Variants in GEMIN5 observed in about 807,000 individuals in gnomAD.
GEMIN5 encodes the protein gem nuclear organelle associated protein 5, also known as gem-associated protein 5.
A neutral mutation model predicts 176.9 loss-of-function variants in GEMIN5; 124 were observed. The observed-to-expected ratio is 0.70, with a 90% CI of 0.61 to 0.81. GEMIN5 has a LOEUF of 0.81. GEMIN5 is among the 40% of genes least tolerant of loss of function. GEMIN5 has a pLI of 0.00. For synonymous variants in GEMIN5, 673 were observed against 665.2 expected (o/e 1.01, Z -0.18); for missense variants, 1,843 against 1,814.6 (o/e 1.02, Z -0.28).
rs182269175 is a variant in GEMIN5, at chr5:154,889,401, C to G, written c.4279G>C (p.Glu1427Gln). 2 of 1,606,454 alleles carry G rather than the reference C, an allele frequency of 1.2e-6. No homozygotes were observed. The highest frequency in any genetic ancestry group is 1.7e-5 in the Admixed American group (1 of 59,926). Residue 1427 changes from glutamate (E) to glutamine (Q), a missense_variant, in exon 27 of 28, where the codon GAG (glutamate) becomes CAG (glutamine). Physicochemically the swap from Glu to Gln is conservative, Grantham distance 29. Coordinates refer to ENST00000285873, the MANE Select transcript of GEMIN5 (RefSeq NM_015465.5). ...SQSQCKEEKN[E>Q]PLSLPELTKR... Reference sequence around the variant, plus strand: ...GTTAACTCAGGCAGAGAAAGTGGCTCATTTTTTTCTTCTTTACTAGTGAAA... The same window carrying G: ...GTTAACTCAGGCAGAGAAAGTGGCTGATTTTTTTCTTCTTTACTAGTGAAA...
chr5:154,904,134 T>C (rs1012421512), intron 18 of GEMIN5, among the ~76,000 whole-genome samples: 1 of 151,980 alleles, frequency 6.6e-6, no homozygotes, highest in Non-Finnish European at 1.5e-5. Context: ...ATATTTCCAA[T>C]AAGAAAAAAA....
Position 154,931,770 on chromosome 5 carries a change from T to C in GEMIN5, c.662-193A>G. ...TGGCTCACGCCTGTAATCCCAGCAT[T>C]TTGGGAGGCTGAGGCAGGTGGATCA... On this transcript the variant is annotated intron_variant, in intron 4 of 27. Coordinates refer to ENST00000285873, the MANE Select transcript of GEMIN5 (RefSeq NM_015465.5). 5.7e-6 allele frequency: 3 copies of C among 525,730 alleles called. No homozygotes were observed. The South Asian group carries it at 7.7e-5, about 14-fold the overall frequency. The allele number at this position is 525,730 out of a possible 1,614,324, so 32.6% of individuals were successfully genotyped here. A position where few individuals can be genotyped will look rare whatever the true frequency, so the allele number is the denominator to read the frequency against.
chr5:154,938,037 G>A lies in GEMIN5; in HGVS notation c.97C>T (p.Arg33Trp). 2 of 1,549,664 alleles carry A rather than the reference G, an allele frequency of 1.3e-6. No homozygotes were observed. The highest frequency in any genetic ancestry group is 2.0e-5 in the Admixed American group (1 of 50,104). ...VPGGLFGFAA[R>W]TSVFLVRVGP... ...ACGCGGACAAGGAAGACGGAGGTCCGCGCGGCGAAGCCAAAGAGGCCCCCG... is the reference window on the plus strand; with the variant it reads ...ACGCGGACAAGGAAGACGGAGGTCCACGCGGCGAAGCCAAAGAGGCCCCCG... Residue 33 changes from arginine (R) to tryptophan (W), a missense_variant, in exon 1 of 28, where the codon CGG becomes TGG. Transcript: ENST00000285873.
chr5:154,926,006 GTA>G lies in GEMIN5; in HGVS notation c.1147_1148del (p.Tyr383GlnfsTer34). 1.2e-6 allele frequency: 2 copies of G among 1,613,624 alleles called. No individual in the cohort carries two copies. Among genetic ancestry groups the G allele is most frequent in the South Asian group, 1.1e-5 (1 of 91,076 alleles). On this transcript the variant is annotated frameshift_variant, in exon 8 of 28. Coordinates refer to ENST00000285873, the MANE Select transcript of GEMIN5 (RefSeq NM_015465.5). LOFTEE classifies it high-confidence loss of function. ...WTLPSLGGFA[Y>X]SLAFSSVDIG... is the part of the protein sequence containing the mutation. ...TGTCCACAGAAGAGAAAGCCAGGCTGTATGCAAACCCACCAAGGGAAGGAAGG... is the reference window on the plus strand; with the variant it reads ...TGTCCACAGAAGAGAAAGCCAGGCTGTGCAAACCCACCAAGGGAAGGAAGG...
chr5:154,926,219 G>GA (rs142138063), intron 7 of GEMIN5, 145 bp from the exon 8 acceptor site: 3,696 of 499,546 alleles, frequency 7.4e-3, no homozygotes, highest in South Asian at 0.013. Flanking sequence ...GCACTGCTAA[G>GA]AAAAAAAAAA....
chr5:154,917,230 G>A, intron 12 of GEMIN5, 51 bp from the exon 13 acceptor site: 4 of 1,110,440 alleles, frequency 3.6e-6, no homozygotes, highest in Non-Finnish European at 5.0e-6. Flanking sequence ...CAAATTACAA[G>A]TTACAATGCA....
At chr5:154,920,166 T>C in intron 10 of GEMIN5, 63 bp from the exon 11 acceptor site, 1 of 1,372,774 alleles carries the variant, frequency 7.3e-7, no homozygotes, top group East Asian at 2.3e-5. Flanking sequence ...TATTTGTTGC[T>C]ATAGTATGAC....
intron 9 of GEMIN5, among the ~76,000 whole-genome samples, chr5:154,924,022 T>G (rs753832620): frequency 6.6e-6 from 1 of 152,250 alleles, no homozygotes; most frequent in Non-Finnish European, 1.5e-5. Context: ...TTTAGTAATG[T>G]ATTTTATTTA....
chr5:154,889,228 A>G (rs999195318), intron 27 of GEMIN5, 93 bp downstream of exon 27: 2 of 717,412 alleles, frequency 2.8e-6, no homozygotes, highest in Non-Finnish European at 5.1e-6. Flanking sequence ...TAGAAACTGA[A>G]CAGAGAGGTA....
chr5:154,917,115 G>A lies in GEMIN5; in HGVS notation c.1738C>T (p.Leu580Phe), dbSNP rs1429147857. The A allele has an allele frequency of 6.2e-7, 1 of 1,606,446 alleles. No homozygotes were observed. Among genetic ancestry groups the A allele is most frequent in the Admixed American group, 1.7e-5 (1 of 59,800 alleles). ...TGATGCCAGCTAATGGTATTCACAA[G>A]CTTGTGATGCTGTTGGATAGTACAG... is the stretch of plus-strand genomic sequence containing the variant. ...LICTIQQHHKLVNTISWHHEH... is the reference protein window; with the variant it reads ...LICTIQQHHKFVNTISWHHEH... The change falls in exon 13 of 28, where the codon CTT (leucine) becomes TTT (phenylalanine). Residue 580 changes from leucine to phenylalanine, a missense_variant. Leu to Phe is a conservative substitution (Grantham distance 22, BLOSUM62 0). Coordinates refer to ENST00000285873, the MANE Select transcript of GEMIN5 (RefSeq NM_015465.5).
At position 154,907,950 on chromosome 5, in the gene GEMIN5, TA is replaced by T. The variant is rs983489292; in HGVS notation, c.2168-133del. 3.5e-5 allele frequency: 23 copies of T among 656,242 alleles called. No individual in the cohort carries two copies. In the Admixed American group the frequency reaches 5.9e-4, roughly 17 times the overall value. The allele number at this position is 656,242 out of a possible 1,614,324, so 40.7% of individuals were successfully genotyped here. A position where few individuals can be genotyped will look rare whatever the true frequency, so the allele number is the denominator to read the frequency against. On this transcript the variant is annotated intron_variant, in intron 15 of 27. Transcript: ENST00000285873. Reference sequence around the variant, plus strand: ...ATTCCCTTTCTTCTCAATGAACTTTTAGAATTATATTATCACAATATTAACC... The same window carrying T: ...ATTCCCTTTCTTCTCAATGAACTTTTGAATTATATTATCACAATATTAACC...
intron 15 of GEMIN5, among the ~76,000 whole-genome samples, chr5:154,909,916 TTGTAGTGAGCCGAGAGTGCACCAC>T (rs1763660377): frequency 6.6e-6 from 1 of 151,620 alleles, no homozygotes. Context: ...GGGGCAGAGG[TTGTAGTGAGCCGAGAGTGCACCAC>T]TGCACTCTGG....
At chr5:154,906,824 C>A (rs1763578140) in intron 16 of GEMIN5, among the ~76,000 whole-genome samples, 1 of 152,228 alleles carries the variant, frequency 6.6e-6, no homozygotes, top group Non-Finnish European at 1.5e-5. Flanking sequence ...ATCCTATATT[C>A]TAGCCATTTC....
intron 27 of GEMIN5, among the ~76,000 whole-genome samples, chr5:154,888,865 G>GTTTTT (rs1554100466): frequency 9.5e-5 from 14 of 147,484 alleles, no homozygotes; most frequent in South Asian, 2.2e-4. Flanking sequence ...TTTTTGTTTT[G>GTTTTT]TTTTTTTTTT....
In GEMIN5 at chr5:154,899,308, T is replaced by C. The variant is rs1178568373; in HGVS notation, c.3017A>G (p.Glu1006Gly). Residue 1006 changes from glutamate (E) to glycine (G), a missense_variant and splice_region_variant, in exon 22 of 28, where the codon GAA becomes GGA. Glu to Gly is a moderately conservative substitution (Grantham distance 98). Transcript: ENST00000285873. ...ELLKSNHFYR[E>G]AIAIAKARLR... ...CCGGGCCTTGGCAATCGCAATAGCT[T>C]CCCTAAAGGCAAGAACAGACCCTTT... is the stretch of plus-strand genomic sequence containing the variant. 5 of 1,610,420 alleles carry C rather than the reference T, an allele frequency of 3.1e-6. No individual in the cohort carries two copies. The highest frequency in any genetic ancestry group is 4.2e-6 in the Non-Finnish European group (5 of 1,178,306).
rs765275819 is a variant in GEMIN5, at chr5:154,891,385, G to A, written c.4118C>T (p.Thr1373Ile). Residue 1373 changes from threonine (T) to isoleucine (I), a missense_variant, in exon 26 of 28, where the codon ACT becomes ATT. Physicochemically the swap from Thr to Ile is moderately conservative, Grantham distance 89. Transcript: ENST00000285873. The stretch of plus-strand genomic sequence containing the variant: ...CAAGGTCTCTTGGACTTCAGCAACA[G>A]TTCTCTGTGAGTTTTGGAGACTGGC... Reference protein sequence around the residue: ...KHASLQNSQRTVAEVQETLAE... With the variant: ...KHASLQNSQRIVAEVQETLAE... 158 of 1,614,018 alleles carry A rather than the reference G, an allele frequency of 9.8e-5. No homozygotes were observed. Among genetic ancestry groups the A allele is most frequent in the Middle Eastern group, 8.2e-4 (5 of 6,084 alleles).
chr5:154,889,757 G>C (rs1763186638), intron 26 of GEMIN5, among the ~76,000 whole-genome samples: 1 of 152,172 alleles, frequency 6.6e-6, no homozygotes, highest in South Asian at 2.1e-4. Context: ...GAGTCATATA[G>C]TATATGTCTT....
chr5:154,899,416 T>A, intron 21 of GEMIN5, 106 bp from the exon 22 acceptor site: 2 of 928,666 alleles, frequency 2.2e-6, no homozygotes, highest in Non-Finnish European at 3.1e-6. Flanking sequence ...TGTTGTCTTA[T>A]TGTTCCAACT....
chr5:154,931,319 TGAG>T, intron 5 of GEMIN5, 136 bp downstream of exon 5: 2 of 758,300 alleles, frequency 2.6e-6, no homozygotes, highest in Non-Finnish European at 4.1e-6. Context: ...CAGGCTCAAA[TGAG>T]GAAGCAGAAT....
Sources: gnomAD v4.1 joint callset for allele counts (sites outside exome capture counted in the v4.1 genomes callset) on GRCh38, gnomAD v4.1.1 for gene constraint, MANE v1.5 for transcripts, NCBI Gene and HGNC (gene_info 2026-07-23, HGNC 2026-07-21) for gene names.